Variants in BTC observed in about 807,000 individuals in gnomAD.
BTC encodes the protein betacellulin.
Under a neutral mutation model 18.1 loss-of-function variants are expected in BTC, and 13 were observed. That is an observed-to-expected ratio of 0.72 (90% confidence interval 0.47 to 1.14). BTC has a LOEUF of 1.14. Among genes scored for constraint, BTC ranks in the 50% most tolerant of loss-of-function variants. BTC has a pLI of 0.00. For missense variants in BTC, 247 were observed against 224.2 expected (o/e 1.10, Z -0.65); for synonymous variants, 83 against 79.4 (o/e 1.05, Z -0.24).
At chr4:74,759,318 C>T (rs557445051) in intron 2 of BTC, among the ~76,000 whole-genome samples, 1 of 152,280 alleles carries the variant, frequency 6.6e-6, no homozygotes, top group East Asian at 1.9e-4. Context: ...AATGTAGCAA[C>T]CAGAAATATC....
intron 3 of BTC, among the ~76,000 whole-genome samples, chr4:74,751,569 C>A (rs1724461778): frequency 6.6e-6 from 1 of 152,168 alleles, no homozygotes; most frequent in Non-Finnish European, 1.5e-5. Flanking sequence ...AGCTTTCTGT[C>A]AATCTGCCTT....
intron 2 of BTC, among the ~76,000 whole-genome samples, chr4:74,760,839 A>G (rs550953282): frequency 4.0e-5 from 6 of 150,582 alleles, no homozygotes; most frequent in Admixed American, 6.7e-5. Context: ...GGTTCACGCC[A>G]TTCTCCTACC....
chr4:74,781,818 C>A (rs1725339734), intron 1 of BTC, among the ~76,000 whole-genome samples: 1 of 152,030 alleles, frequency 6.6e-6, no homozygotes, highest in South Asian at 2.1e-4. Flanking sequence ...CTCCAGAATT[C>A]TTTTCATCTT....
intron 2 of BTC, among the ~76,000 whole-genome samples, chr4:74,759,549 C>G (rs1724694833): frequency 1.3e-5 from 2 of 151,520 alleles, no homozygotes; most frequent in South Asian, 2.1e-4. Context: ...TCCGAAGATG[C>G]TAAACACCAA....
chr4:74,770,389 T>C (rs926803224), intron 1 of BTC, among the ~76,000 whole-genome samples: 3 of 152,192 alleles, frequency 2.0e-5, no homozygotes, highest in Admixed American at 2.0e-4. Context: ...CTATGGATCT[T>C]AAGGAGGAAA....
intron 3 of BTC, among the ~76,000 whole-genome samples, chr4:74,754,714 T>C (rs1724550310): frequency 6.6e-6 from 1 of 152,156 alleles, no homozygotes; most frequent in African/African-American, 2.4e-5. Flanking sequence ...AAATTTTACA[T>C]TGAAGGGAAC....
intron 2 of BTC, among the ~76,000 whole-genome samples, chr4:74,765,162 AC>A (rs963090744): frequency 6.6e-6 from 1 of 151,536 alleles, no homozygotes. Flanking sequence ...AAAAAAAAAA[AC>A]ACTAATGAAA....
intron 4 of BTC, among the ~76,000 whole-genome samples, chr4:74,749,559 T>C (rs1340862302): frequency 6.6e-6 from 1 of 151,372 alleles, no homozygotes; most frequent in East Asian, 1.9e-4. Context: ...CCCTAGCACA[T>C]TGCAAAGAAA....
chr4:74,750,397 AT>A (rs1553956014), intron 4 of BTC, among the ~76,000 whole-genome samples, 175 bp downstream of exon 4: 1 of 152,204 alleles, frequency 6.6e-6, no homozygotes, highest in Admixed American at 6.5e-5. Context: ...GATAAAAATC[AT>A]GTATTATGTG....
In BTC at chr4:74,746,345, T is replaced by C. The variant is rs1724287141; in HGVS notation, c.*332A>G. ...GCTTGATAAATGGTAGCTTTATTAT[T>C]AATTCAATTCCTAAGACCTAACCTC... On this transcript the variant is annotated 3_prime_UTR_variant, in exon 6 of 6. Coordinates refer to ENST00000395743, the MANE Select transcript of BTC (RefSeq NM_001729.4). The C allele has an allele frequency of 6.6e-6, 1 of 152,472 alleles. No homozygotes were observed. The allele number at this position is 152,472 out of a possible 1,614,324, so 9.4% of individuals were successfully genotyped here. A position where few individuals can be genotyped will look rare whatever the true frequency, so the allele number is the denominator to read the frequency against.
intron 2 of BTC, among the ~76,000 whole-genome samples, chr4:74,759,354 A>T (rs1472987236): frequency 2.6e-5 from 4 of 152,164 alleles, no homozygotes; most frequent in Non-Finnish European, 4.4e-5. Context: ...GTGGTGGGAC[A>T]CAATCGATTT....
chr4:74,786,945 T>C (rs1017646410), intron 1 of BTC, among the ~76,000 whole-genome samples: 4 of 151,970 alleles, frequency 2.6e-5, no homozygotes, highest in Non-Finnish European at 2.9e-5. Flanking sequence ...CTGGGCTCAG[T>C]GTTTTGCCAA....
At chr4:74,749,931 C>CAAAAAAAAA (rs782482968) in intron 4 of BTC, among the ~76,000 whole-genome samples, 1 of 74,044 alleles carries the variant, frequency 1.4e-5, no homozygotes, top group Non-Finnish European at 2.7e-5. Context: ...CCAGTCTCCA[C>CAAAAAAAAA]AAAAAAAAAA....
At chr4:74,759,991 T>G (rs1724707283) in intron 2 of BTC, among the ~76,000 whole-genome samples, 1 of 152,214 alleles carries the variant, frequency 6.6e-6, no homozygotes, top group African/African-American at 2.4e-5. Flanking sequence ...TGTGATGCCT[T>G]TGTGACTAAA....
chr4:74,782,531 T>C (rs562997693), intron 1 of BTC, among the ~76,000 whole-genome samples: 64 of 152,236 alleles, frequency 4.2e-4, no homozygotes, highest in Non-Finnish European at 7.8e-4. Context: ...ATTCCGTATA[T>C]TTGCTATTGT....
intron 1 of BTC, among the ~76,000 whole-genome samples, chr4:74,786,014 T>G (rs1248331651): frequency 6.6e-6 from 1 of 152,170 alleles, no homozygotes; most frequent in Non-Finnish European, 1.5e-5. Context: ...TAATGGGTAT[T>G]AAAATGCTTT....
At chr4:74,780,466 C>T (rs1479525256) in intron 1 of BTC, among the ~76,000 whole-genome samples, 2 of 152,136 alleles carry the variant, frequency 1.3e-5, no homozygotes, top group Non-Finnish European at 2.9e-5. Flanking sequence ...TCTTCTGACC[C>T]TCCATTACAT....
At chr4:74,780,972 T>C (rs1336174540) in intron 1 of BTC, among the ~76,000 whole-genome samples, 1 of 151,882 alleles carries the variant, frequency 6.6e-6, no homozygotes, top group African/African-American at 2.4e-5. Flanking sequence ...AGTTTCGTAT[T>C]TTGAAATTCT....
intron 1 of BTC, among the ~76,000 whole-genome samples, chr4:74,790,033 C>T (rs1242690313): frequency 3.3e-5 from 5 of 152,110 alleles, no homozygotes; most frequent in African/African-American, 1.2e-4. Flanking sequence ...TTATTTTTTA[C>T]ATTTGTTCCT....
Sources: allele counts gnomAD v4.1 joint callset (sites outside exome capture counted in the v4.1 genomes callset), GRCh38; gene constraint gnomAD v4.1.1; transcripts MANE v1.5; gene names NCBI Gene and HGNC (gene_info 2026-07-23, HGNC 2026-07-21).